RIPOR2: variants seen among roughly 807,000 people sequenced by gnomAD.
RIPOR2 encodes the protein RHO family interacting cell polarization regulator 2, also known as rho family-interacting cell polarization regulator 2.
Under a neutral mutation model 114.5 loss-of-function variants are expected in RIPOR2, and 39 were observed. That is an observed-to-expected ratio of 0.34 (90% confidence interval 0.26 to 0.44). The LOEUF (loss-of-function observed/expected upper bound fraction) is 0.44. Ranked by LOEUF, RIPOR2 falls within the 20% of genes least tolerant of loss-of-function variation. The probability of loss-of-function intolerance (pLI) is 1.00; values close to 1 mark genes in which losing one functional copy is unlikely to be tolerated. For missense variants in RIPOR2, 1,007 were observed against 1,255.1 expected, an observed-to-expected ratio of 0.80 and a Z score of 2.99; for synonymous variants, 445 against 484.4, an observed-to-expected ratio of 0.92 and a Z score of 1.07.
At chr6:24,911,077 TGGCGGAGCGCGGAGCTAGAGC>T (rs1769526642) in intron 1 of RIPOR2, 4 of 696,732 alleles carry the variant, frequency 5.7e-6, no homozygotes, top group African/African-American at 2.0e-5. Context: ...GGCGCGAGGG[TGGCGGAGCGCGGAGCTAGAGC>T]GGCGGAGCGG....
At chr6:24,968,406 A>T (rs1773632371) in intron 1 of RIPOR2, among the ~76,000 whole-genome samples, 1 of 151,984 alleles carries the variant, frequency 6.6e-6, no homozygotes. Context: ...TGCTGGTGTC[A>T]CTCCCTGCTG....
intron 1 of RIPOR2, among the ~76,000 whole-genome samples, chr6:24,927,855 G>A (rs1771075864): frequency 6.6e-6 from 1 of 152,160 alleles, no homozygotes; most frequent in South Asian, 2.1e-4. Context: ...CAGCATATAT[G>A]TTACTTCCCC....
intron 1 of RIPOR2, among the ~76,000 whole-genome samples, chr6:25,036,526 G>T (rs939238420): frequency 6.6e-6 from 1 of 151,906 alleles, no homozygotes; most frequent in Non-Finnish European, 1.5e-5. Flanking sequence ...TGAGTAGCTG[G>T]GTTTACAGGC....
upstream of RIPOR2, among the ~76,000 whole-genome samples, chr6:24,937,597 T>C (rs116481105): frequency 2.4e-3 from 372 of 152,312 alleles, no homozygotes; most frequent in African/African-American, 8.3e-3. Flanking sequence ...AATTTGGATG[T>C]GGACTAAAGC....
intron 1 of RIPOR2, among the ~76,000 whole-genome samples, chr6:24,891,003 A>G (rs1289286669): frequency 6.6e-6 from 1 of 152,206 alleles, no homozygotes; most frequent in Non-Finnish European, 1.5e-5. Context: ...GCTGTTTTGT[A>G]TAAAGTCATG....
intron 1 of RIPOR2, among the ~76,000 whole-genome samples, chr6:25,003,384 C>CATTATTATT (rs57985459): frequency 2.8e-4 from 40 of 143,866 alleles, no homozygotes; most frequent in Middle Eastern, 3.6e-3. Context: ...AGAATTAACA[C>CATTATTATT]ATTATTATTA....
Position 25,010,379 on chromosome 6 carries a change from G to A in RIPOR2, c.76+31472C>T, listed in dbSNP as rs546351650. Among the ~76,000 whole-genome samples, 7 of 151,832 alleles carry A rather than the reference G, an allele frequency of 4.6e-5. No homozygotes were observed. In the East Asian group the frequency reaches 9.7e-4, roughly 21 times the overall value. ...CAGAGCTGGCACCCCTTCACCTCCC[G>A]CCTTGAGTGGAAGCAGTCTGACGCC... On this transcript the variant is annotated intron_variant, in intron 1 of 13. Transcript: ENST00000510784.
Position 24,817,653 on chromosome 6 carries a change from C to T in RIPOR2, c.2952+889G>A, listed in dbSNP as rs1229026975. 1.1e-3 allele frequency among the ~76,000 whole-genome samples: 16 copies of T among 15,108 alleles called. 4 individuals carry two copies. Among genetic ancestry groups the T allele is most frequent in the African/African-American group, 1.4e-3 (16 of 11,612 alleles). 9.9% of individuals were successfully genotyped at this position (15,108 alleles called of 152,430 possible). ...AATCACCCGTCTTCTGCGTCGCTCA[C>T]GCTGGGAGCTGTAGACCGGAGCTGT... is the stretch of plus-strand genomic sequence containing the variant. On this transcript the variant is annotated intron_variant, in intron 20 of 21. Transcript: ENST00000643898.
intron 1 of RIPOR2, chr6:25,023,605 G>C (rs1397857508): frequency 1.3e-6 from 1 of 764,280 alleles, no homozygotes; most frequent in African/African-American, 1.7e-5. Context: ...AGGCCTTGAT[G>C]TCTAAATGAG....
intron 1 of RIPOR2, among the ~76,000 whole-genome samples, chr6:24,968,277 A>G (rs942424299): frequency 2.0e-5 from 3 of 152,182 alleles, no homozygotes; most frequent in Non-Finnish European, 4.4e-5. Context: ...CTTTCAAATG[A>G]GGGCCTTGAC....
chr6:24,810,465 A>T (rs996253664), intron 20 of RIPOR2, among the ~76,000 whole-genome samples: 1 of 152,192 alleles, frequency 6.6e-6, no homozygotes, highest in Non-Finnish European at 1.5e-5. Flanking sequence ...GAGGAGGTAA[A>T]GGCCATTAAT....
chr6:25,026,567 G>A (rs1776637154), intron 1 of RIPOR2, among the ~76,000 whole-genome samples: 1 of 152,176 alleles, frequency 6.6e-6, no homozygotes, highest in Admixed American at 6.5e-5. Flanking sequence ...GCAATACTTT[G>A]TTACCCTGAG....
intron 18 of RIPOR2, 64 bp downstream of exon 18, chr6:24,828,073 T>C: frequency 7.4e-7 from 1 of 1,347,382 alleles, no homozygotes; most frequent in South Asian, 1.7e-5. Flanking sequence ...AGCCATGATT[T>C]AAAAGAGCAG....
intron 9 of RIPOR2, among the ~76,000 whole-genome samples, chr6:24,851,409 G>C (rs1430225640): frequency 2.0e-5 from 3 of 152,190 alleles, no homozygotes; most frequent in Non-Finnish European, 4.4e-5. Flanking sequence ...TCAGAAGCAA[G>C]AAATAAAGAC....
At chr6:24,957,262 G>A (rs537649864) in intron 1 of RIPOR2, among the ~76,000 whole-genome samples, 1 of 152,290 alleles carries the variant, frequency 6.6e-6, no homozygotes, top group African/African-American at 2.4e-5. Flanking sequence ...CTTACAATGT[G>A]CCAGTCACTG....
chr6:24,984,440 G>A (rs747946734), intron 1 of RIPOR2, among the ~76,000 whole-genome samples: 12 of 152,038 alleles, frequency 7.9e-5, no homozygotes, highest in Non-Finnish European at 1.3e-4. Context: ...TAATCCTACC[G>A]GATACATTAG....
upstream of RIPOR2, among the ~76,000 whole-genome samples, chr6:24,940,162 C>T (rs1304594815): frequency 1.3e-5 from 2 of 151,904 alleles, no homozygotes; most frequent in Admixed American, 1.3e-4. Flanking sequence ...AGAATTGAGG[C>T]TATAATAATT....
chr6:24,820,543 G>A (rs4712853), intron 19 of RIPOR2, among the ~76,000 whole-genome samples: 45,980 of 151,890 alleles, frequency 0.3, 7,901 homozygotes, highest in East Asian at 0.68. Flanking sequence ...CTCTCCAGTC[G>A]CTGGCAACCA....
At chr6:24,931,619 C>T (rs964099023) in intron 1 of RIPOR2, among the ~76,000 whole-genome samples, 2 of 152,182 alleles carry the variant, frequency 1.3e-5, no homozygotes, top group South Asian at 2.1e-4. Flanking sequence ...CTCTGGGGGA[C>T]ATTTGAAAAT....
Sources: allele counts gnomAD v4.1 joint callset (sites outside exome capture counted in the v4.1 genomes callset), GRCh38; gene constraint gnomAD v4.1.1; transcripts MANE v1.5; gene names NCBI Gene and HGNC (gene_info 2026-07-23, HGNC 2026-07-21).